ABCA13: variants seen among roughly 807,000 people sequenced by gnomAD.
The protein encoded by ABCA13 is ATP binding cassette subfamily A member 13.
In ABCA13, 476 loss-of-function variants were observed where a neutral mutation model predicts 478.7. That is an observed-to-expected ratio of 0.99 (90% confidence interval 0.92 to 1.07). The LOEUF (loss-of-function observed/expected upper bound fraction) is 1.07, where lower values mean the gene tolerates loss of function less well. ABCA13 is among the 50% of genes least tolerant of loss of function. The pLI, the probability that ABCA13 is intolerant of heterozygous loss-of-function variation, is 0.00. For missense variants in ABCA13, 6,060 were observed against 5,910.6 expected, an observed-to-expected ratio of 1.03 and a Z score of -0.83; for synonymous variants, 2,252 against 2,158.9, an observed-to-expected ratio of 1.04 and a Z score of -1.20.
In ABCA13 at chr7:48,622,889, C is replaced by T. The variant is rs375337306; in HGVS notation, c.14837+7512C>T. Among the ~76,000 whole-genome samples, 14 of 152,064 alleles carry T rather than the reference C, an allele frequency of 9.2e-5. No homozygotes were observed. In the East Asian group the frequency reaches 1.2e-3, roughly 13 times the overall value. ...GGTTGAGTGACTTTTCCAGGATTAC[C>T]ATCTAGTAAGTAGAGGGACTGACAT... On this transcript the variant is annotated intron_variant, in intron 59 of 61. Coordinates refer to ENST00000435803, the MANE Select transcript of ABCA13 (RefSeq NM_152701.5).
At chr7:48,623,646 T>A (rs955226821) in intron 59 of ABCA13, among the ~76,000 whole-genome samples, 7 of 152,170 alleles carry the variant, frequency 4.6e-5, no homozygotes, top group South Asian at 2.1e-4. Context: ...TATATATATG[T>A]TCTAGGCAAC....
intron 32 of ABCA13, among the ~76,000 whole-genome samples, chr7:48,370,652 A>G (rs1812489132): frequency 6.6e-6 from 1 of 152,218 alleles, no homozygotes; most frequent in African/African-American, 2.4e-5. Context: ...TGGGTCAAGA[A>G]TGAAATCAAG....
intron 29 of ABCA13, among the ~76,000 whole-genome samples, chr7:48,341,835 T>TATATATATATATCTTTCTG (rs1563084403): frequency 1.8e-4 from 14 of 79,686 alleles, no homozygotes; most frequent in African/African-American, 5.4e-4. Flanking sequence ...ATCTTTCTGA[T>TATATATATATATCTTTCTG]ATATATATAT....
chr7:48,303,795 TC>T (rs1800506758), intron 23 of ABCA13, among the ~76,000 whole-genome samples: 1 of 152,194 alleles, frequency 6.6e-6, no homozygotes, highest in Admixed American at 6.5e-5. Context: ...TTGCAAAGTA[TC>T]ATTTTTTTCT....
intron 56 of ABCA13, among the ~76,000 whole-genome samples, chr7:48,585,448 A>G (rs561536017): frequency 1.3e-5 from 2 of 152,278 alleles, no homozygotes; most frequent in Admixed American, 6.5e-5. Flanking sequence ...CTAGAATTAT[A>G]CTATTTTACC....
intron 31 of ABCA13, among the ~76,000 whole-genome samples, chr7:48,358,939 G>A (rs958741903): frequency 3.3e-5 from 5 of 151,818 alleles, no homozygotes; most frequent in African/African-American, 1.2e-4. Flanking sequence ...GATCTCTTTC[G>A]AGCTTCCTGG....
chr7:48,223,359 G>A (rs185389167), intron 5 of ABCA13, among the ~76,000 whole-genome samples: 1 of 152,112 alleles, frequency 6.6e-6, no homozygotes, highest in Non-Finnish European at 1.5e-5. Flanking sequence ...AGACTTCAAG[G>A]TCATCAAGGG....
intron 23 of ABCA13, among the ~76,000 whole-genome samples, chr7:48,301,172 G>A (rs900171686): frequency 6.6e-6 from 1 of 151,920 alleles, no homozygotes; most frequent in African/African-American, 2.4e-5. Flanking sequence ...GGAAGGGAGA[G>A]GGCATTCCCT....
At chr7:48,215,778 C>A (rs1004729747) in intron 3 of ABCA13, among the ~76,000 whole-genome samples, 1 of 152,128 alleles carries the variant, frequency 6.6e-6, no homozygotes, top group Admixed American at 6.6e-5. Context: ...CACGCCTAAC[C>A]CTGGGCATAC....
chr7:48,353,539 C>G (rs932679383), intron 31 of ABCA13, among the ~76,000 whole-genome samples: 1 of 151,338 alleles, frequency 6.6e-6, no homozygotes, highest in Non-Finnish European at 1.5e-5. Flanking sequence ...CATGGCACCT[C>G]CCACCCCTGA....
intron 1 of ABCA13, among the ~76,000 whole-genome samples, chr7:48,172,667 G>A (rs1794273924): frequency 6.6e-6 from 1 of 150,940 alleles, no homozygotes; most frequent in Admixed American, 6.6e-5. Context: ...GTGTGGTGGC[G>A]GACGTCTGTA....
intron 57 of ABCA13, among the ~76,000 whole-genome samples, chr7:48,591,940 A>G (rs1054027080): frequency 6.6e-6 from 1 of 151,540 alleles, no homozygotes; most frequent in African/African-American, 2.4e-5. Context: ...TTTGATTTGG[A>G]TGCCTTTTCT....
chr7:48,585,524 A>G (rs1353740531), intron 56 of ABCA13, among the ~76,000 whole-genome samples: 1 of 152,218 alleles, frequency 6.6e-6, no homozygotes, highest in African/African-American at 2.4e-5. Context: ...AAGTAAAGCC[A>G]TATAATAATT....
intron 42 of ABCA13, 142 bp from the exon 43 acceptor site, chr7:48,454,895 C>T: frequency 8.2e-7 from 1 of 1,213,998 alleles, no homozygotes; most frequent in South Asian, 1.7e-5. Context: ...AGGGGACACT[C>T]AAGGGAGTCC....
intron 34 of ABCA13, among the ~76,000 whole-genome samples, chr7:48,375,615 T>TGGG (rs200136094): frequency 6.6e-6 from 1 of 150,412 alleles, no homozygotes; most frequent in African/African-American, 2.4e-5. Flanking sequence ...TGGTTTTTTT[T>TGGG]GGGGGGGGGT....
chr7:48,214,888 T>G (rs1440528549), intron 3 of ABCA13, among the ~76,000 whole-genome samples: 1 of 152,248 alleles, frequency 6.6e-6, no homozygotes, highest in Non-Finnish European at 1.5e-5. Context: ...TCATTTTCTT[T>G]AAGAACCTTT....
chr7:48,436,335 T>C (rs1822825722), intron 42 of ABCA13, among the ~76,000 whole-genome samples: 1 of 151,776 alleles, frequency 6.6e-6, no homozygotes, highest in South Asian at 2.1e-4. Context: ...ACTATTGTTA[T>C]AATCTTTTTG....
At chr7:48,454,967 G>A in intron 42 of ABCA13, 70 bp from the exon 43 acceptor site, 1 of 1,425,322 alleles carries the variant, frequency 7.0e-7, no homozygotes, top group South Asian at 1.5e-5. Flanking sequence ...CACCGAGAGG[G>A]CAAACGAGGC....
chr7:48,391,852 T>C, intron 37 of ABCA13, 69 bp from the exon 38 acceptor site: 2 of 1,464,514 alleles, frequency 1.4e-6, no homozygotes, highest in Non-Finnish European at 1.9e-6. Context: ...ATCCTGGAGC[T>C]GACTGGATTG....
Sources: gnomAD v4.1 joint callset for allele counts (sites outside exome capture counted in the v4.1 genomes callset) on GRCh38, gnomAD v4.1.1 for gene constraint, MANE v1.5 for transcripts, NCBI Gene and HGNC (gene_info 2026-07-23, HGNC 2026-07-21) for gene names.